HAPLN2: variants seen among roughly 807,000 people sequenced by gnomAD.
The protein encoded by HAPLN2 is hyaluronan and proteoglycan link protein 2, also known as brain link protein-1.
HAPLN2 carries 27 observed loss-of-function variants against 29.3 expected under a neutral mutation model. The ratio of observed to expected loss-of-function variants is 0.92; its 90% CI spans 0.68 to 1.27. The LOEUF (loss-of-function observed/expected upper bound fraction) is 1.27. Ranked by LOEUF, HAPLN2 falls within the 50% of genes most tolerant of loss-of-function variation. The probability of loss-of-function intolerance (pLI) is 0.00; values close to 1 mark genes in which losing one functional copy is unlikely to be tolerated. For synonymous variants in HAPLN2, 208 were observed against 211.7 expected (o/e 0.98, Z 0.15); for missense variants, 454 against 484.3 (o/e 0.94, Z 0.59).
chr1:156,608,027 G>C, the HAPLN2 span, among the ~76,000 whole-genome samples: 1 of 151,984 alleles, frequency 6.6e-6, no homozygotes. Context: ...TTAACCCTTT[G>C]AGTTCATGAT....
chr1:156,621,966 A>C (rs1243891376), intron 2 of HAPLN2, among the ~76,000 whole-genome samples: 2 of 151,932 alleles, frequency 1.3e-5, no homozygotes, highest in African/African-American at 2.4e-5. Flanking sequence ...GAAAAAAAAA[A>C]CACAAAACAA....
At chr1:156,613,119 G>C in the HAPLN2 span, among the ~76,000 whole-genome samples, 6 of 152,192 alleles carry the variant, frequency 3.9e-5, no homozygotes. Context: ...GGGAGGCCGA[G>C]GCAGGCGGAT....
chr1:156,622,876 A>G (rs1223642984), intron 2 of HAPLN2, among the ~76,000 whole-genome samples: 1 of 151,452 alleles, frequency 6.6e-6, no homozygotes, highest in African/African-American at 2.4e-5. Context: ...AAAACTTAAA[A>G]AGAAACAATT....
At chr1:156,621,102 A>ATTTTTT (rs10653107) in intron 2 of HAPLN2, among the ~76,000 whole-genome samples, 2 of 126,084 alleles carry the variant, frequency 1.6e-5, no homozygotes, top group South Asian at 2.6e-4. Flanking sequence ...AGAAGTCTTC[A>ATTTTTT]TTTTTTTTTT....
At chr1:156,611,118 C>T in the HAPLN2 span, among the ~76,000 whole-genome samples, 1 of 151,716 alleles carries the variant, frequency 6.6e-6, no homozygotes. Context: ...CCCATCTCTA[C>T]AGAAAAATAC....
the HAPLN2 span, among the ~76,000 whole-genome samples, chr1:156,612,030 T>G: frequency 6.6e-6 from 1 of 152,228 alleles, no homozygotes; most frequent in South Asian, 2.1e-4. Context: ...TTTGTTTTGC[T>G]TTTTTGAGAC....
At chr1:156,621,378 C>T (rs1678215610) in intron 2 of HAPLN2, among the ~76,000 whole-genome samples, 1 of 151,216 alleles carries the variant, frequency 6.6e-6, no homozygotes. Context: ...GTTGGGATTA[C>T]AGGTGTGACC....
chr1:156,621,969 C>A (rs1196975720), intron 2 of HAPLN2, among the ~76,000 whole-genome samples: 3 of 150,098 alleles, frequency 2.0e-5, no homozygotes, highest in African/African-American at 7.3e-5. Context: ...AAAAAAAACA[C>A]AAAACAAATT....
upstream of HAPLN2, among the ~76,000 whole-genome samples, chr1:156,616,511 T>C (rs1433776209): frequency 6.6e-6 from 1 of 152,068 alleles, no homozygotes; most frequent in Non-Finnish European, 1.5e-5. Flanking sequence ...AGTTCAGAAG[T>C]GATTTGTGGA....
chr1:156,614,284 G>A, the HAPLN2 span, among the ~76,000 whole-genome samples: 2 of 151,488 alleles, frequency 1.3e-5, no homozygotes, highest in Non-Finnish European at 2.9e-5. Context: ...GAGTGCAGTG[G>A]TGCAATCTCA....
At position 156,624,529 on chromosome 1, in the gene HAPLN2, G is replaced by A. The variant is rs957859955; in HGVS notation, c.556+62G>A. ...GAGCTGTCTCAGGGGCCCGAGAGAG[G>A]GCGCCAGGCGAGCTCAGTCTGGCTC... is the stretch of plus-strand genomic sequence containing the variant. On this transcript the variant is annotated intron_variant, in intron 5 of 6. Coordinates refer to ENST00000255039, the MANE Select transcript of HAPLN2 (RefSeq NM_021817.3). The A allele has an allele frequency of 1.6e-5, 26 of 1,602,244 alleles. No homozygotes were observed. In the African/African-American group the frequency reaches 3.2e-4, roughly 20 times the overall value.
chr1:156,622,222 G>T (rs568489003), intron 2 of HAPLN2, among the ~76,000 whole-genome samples: 1 of 151,962 alleles, frequency 6.6e-6, no homozygotes, highest in Non-Finnish European at 1.5e-5. Flanking sequence ...GGCCAAGACA[G>T]ATTACTTGAG....
upstream of HAPLN2, among the ~76,000 whole-genome samples, chr1:156,615,557 ACTCTCT>A (rs201666308): frequency 1.4e-5 from 2 of 138,218 alleles, no homozygotes; most frequent in Non-Finnish European, 3.1e-5. Flanking sequence ...ATCCCATCTC[ACTCTCT>A]CTCTCTCTCT....
chr1:156,624,514 AG>A, intron 5 of HAPLN2, 47 bp downstream of exon 5: 1 of 1,604,108 alleles, frequency 6.2e-7, no homozygotes, highest in East Asian at 2.2e-5. Flanking sequence ...GAGCTGTCTC[AG>A]GGGCCCGAGA....
At chr1:156,623,256 T>C (rs1408403598) in intron 2 of HAPLN2, among the ~76,000 whole-genome samples, 1 of 151,890 alleles carries the variant, frequency 6.6e-6, no homozygotes, top group Non-Finnish European at 1.5e-5. Context: ...GCTGAGAGGA[T>C]GTGACAGAGG....
Position 156,624,664 on chromosome 1 carries a change from C to G in HAPLN2, c.620C>G (p.Pro207Arg). 1 of 1,609,374 alleles carries G rather than the reference C, an allele frequency of 6.2e-7. No individual in the cohort carries two copies. Among genetic ancestry groups the G allele is most frequent in the Non-Finnish European group, 8.5e-7 (1 of 1,178,862 alleles). ...CTGCTCGAGGGCTCCGTGCGCTACC[C>G]TGTGCTCACCGCACGCGCCCCGTGC... The part of the protein sequence containing the change: ...GWLLEGSVRY[P>R]VLTARAPCGG... The change falls in exon 6 of 7, where the codon CCT becomes CGT. Residue 207 changes from proline to arginine, a missense_variant. Around this residue, in one of 3 missense-constraint regions of HAPLN2, gnomAD observed 235 missense variants for 236.9 expected, o/e 0.99. Transcript: ENST00000255039.
the HAPLN2 span, among the ~76,000 whole-genome samples, chr1:156,604,076 G>A: frequency 6.6e-6 from 1 of 151,958 alleles, no homozygotes; most frequent in Non-Finnish European, 1.5e-5. Flanking sequence ...TAGAAACAAA[G>A]GCCATTATGA....
the HAPLN2 span, among the ~76,000 whole-genome samples, chr1:156,605,073 C>T: frequency 6.6e-6 from 1 of 151,962 alleles, no homozygotes; most frequent in Non-Finnish European, 1.5e-5. Flanking sequence ...CGAGACCAGC[C>T]TGGCCAATAT....
In HAPLN2 at chr1:156,625,437, G is replaced by A; in HGVS notation, c.*53G>A. 6.7e-7 allele frequency: 1 copy of A among 1,488,434 alleles called. No individual in the cohort carries two copies. The allele number at this position is 1,488,434 out of a possible 1,614,324, so 92.2% of individuals were successfully genotyped here. On this transcript the variant is annotated 3_prime_UTR_variant, in exon 7 of 7. Transcript: ENST00000255039. The surrounding 1 kb of genome is among the most constrained non-coding windows in gnomAD (Gnocchi z 5.7). ...GCGAAGAAGCTTGGGAGTCGTGGCG[G>A]GGGTCTCTCGCCACCCCTTTCCGGA...
Sources: gnomAD v4.1 joint callset for allele counts (sites outside exome capture counted in the v4.1 genomes callset) on GRCh38, gnomAD v4.1.1 for gene constraint, gnomAD v4.1.1 regional missense constraint, Gnocchi (gnomAD v3.1) non-coding constraint, MANE v1.5 for transcripts, NCBI Gene and HGNC (gene_info 2026-07-23, HGNC 2026-07-21) for gene names.